The following PRKD1 variants were observed in gnomAD, a reference collection of about 807,000 sequenced individuals.
The protein encoded by PRKD1 is protein kinase D1, also known as serine/threonine-protein kinase D1.
In PRKD1, 63 loss-of-function variants were observed where a neutral mutation model predicts 95.9. The observed-to-expected ratio is 0.66, with a 90% CI of 0.54 to 0.81. PRKD1 has a LOEUF of 0.81. Among genes scored for constraint, PRKD1 ranks in the 30% least tolerant of loss-of-function variants. The pLI, the probability that PRKD1 is intolerant of heterozygous loss-of-function variation, is 0.00. For missense variants in PRKD1, 1,048 were observed against 1,165.3 expected, an observed-to-expected ratio of 0.90 and a Z score of 1.47; for synonymous variants, 425 against 423.1, an observed-to-expected ratio of 1.00 and a Z score of -0.05.
chr14:29,714,438 C>A (rs984272033), intron 2 of PRKD1, among the ~76,000 whole-genome samples: 3 of 152,136 alleles, frequency 2.0e-5, no homozygotes, highest in African/African-American at 7.2e-5. Flanking sequence ...GAATAGCAAT[C>A]ATTAAAAAGT....
intron 1 of PRKD1, among the ~76,000 whole-genome samples, chr14:29,834,735 C>T (rs746837630): frequency 1.3e-5 from 2 of 152,012 alleles, no homozygotes; most frequent in African/African-American, 2.4e-5. Flanking sequence ...TTAGGCACTA[C>T]GGTAAGTATT....
At chr14:29,637,282 G>A (rs1880450471) in intron 6 of PRKD1, among the ~76,000 whole-genome samples, 1 of 152,086 alleles carries the variant, frequency 6.6e-6, no homozygotes, top group Non-Finnish European at 1.5e-5. Flanking sequence ...TATTAAATTG[G>A]TCACATAGCT....
At chr14:29,821,339 A>C (rs1260695774) in intron 1 of PRKD1, among the ~76,000 whole-genome samples, 1 of 152,178 alleles carries the variant, frequency 6.6e-6, no homozygotes, top group Non-Finnish European at 1.5e-5. Context: ...GTGGTAACTC[A>C]GAGTACACAG....
intron 4 of PRKD1, among the ~76,000 whole-genome samples, chr14:29,654,793 G>A (rs1881741943): frequency 1.3e-5 from 2 of 152,140 alleles, no homozygotes; most frequent in Admixed American, 1.3e-4. Flanking sequence ...CAATGGCCAG[G>A]TTTCTATAAC....
chr14:29,614,942 G>A (rs1878753641), intron 13 of PRKD1, among the ~76,000 whole-genome samples: 1 of 147,482 alleles, frequency 6.8e-6, no homozygotes, highest in African/African-American at 2.6e-5. Flanking sequence ...GAACTACTGA[G>A]CTCAGGCAGT....
intron 1 of PRKD1, among the ~76,000 whole-genome samples, chr14:29,896,472 T>C (rs1346417402): frequency 6.6e-6 from 1 of 152,074 alleles, no homozygotes. Context: ...GGAAATGGAC[T>C]TCAGTGGTTT....
intron 1 of PRKD1, chr14:29,751,170 T>A (rs1474684291): frequency 6.6e-6 from 1 of 152,192 alleles, no homozygotes; most frequent in Non-Finnish European, 1.5e-5. Flanking sequence ...ACTCAACTTT[T>A]GATCAATTAT....
intron 1 of PRKD1, among the ~76,000 whole-genome samples, chr14:29,783,417 A>T (rs185498003): frequency 2.0e-5 from 3 of 152,216 alleles, no homozygotes; most frequent in African/African-American, 7.2e-5. Context: ...TCCTAAGTTG[A>T]TTCTATATCT....
At chr14:29,627,387 C>A (rs1314281918) in intron 11 of PRKD1, among the ~76,000 whole-genome samples, 1 of 152,184 alleles carries the variant, frequency 6.6e-6, no homozygotes, top group Non-Finnish European at 1.5e-5. Flanking sequence ...AGAAGGATGG[C>A]AACCTATATG....
At chr14:29,807,071 A>T (rs1338738854) in intron 1 of PRKD1, among the ~76,000 whole-genome samples, 2 of 152,202 alleles carry the variant, frequency 1.3e-5, no homozygotes, top group South Asian at 4.1e-4. Context: ...TTGCTAAAAA[A>T]TGCTGACAAT....
intron 1 of PRKD1, among the ~76,000 whole-genome samples, chr14:29,753,247 T>C (rs1424349800): frequency 6.6e-6 from 1 of 152,148 alleles, no homozygotes; most frequent in Non-Finnish European, 1.5e-5. Flanking sequence ...GTAAAAATGA[T>C]GACAGTGCTG....
intron 1 of PRKD1, among the ~76,000 whole-genome samples, chr14:29,793,282 A>C (rs1278696564): frequency 6.8e-6 from 1 of 147,384 alleles, no homozygotes; most frequent in Admixed American, 6.8e-5. Flanking sequence ...AGCTGTTGAC[A>C]AAAAAAAAAT....
intron 13 of PRKD1, among the ~76,000 whole-genome samples, chr14:29,607,009 T>C (rs1878024158): frequency 6.6e-6 from 1 of 152,150 alleles, no homozygotes; most frequent in African/African-American, 2.4e-5. Context: ...TTATGTAAAA[T>C]AGGATGATAG....
intron 1 of PRKD1, among the ~76,000 whole-genome samples, chr14:29,904,281 T>C (rs1894420628): frequency 6.6e-6 from 1 of 152,180 alleles, no homozygotes; most frequent in African/African-American, 2.4e-5. Flanking sequence ...TTTATTCAGA[T>C]TTATTAAACC....
chr14:29,593,953 T>C, intron 16 of PRKD1: 1 of 221,072 alleles, frequency 4.5e-6, no homozygotes, highest in Middle Eastern at 4.9e-4. Context: ...TAAGCACCCT[T>C]TTGGTATACA....
At chr14:29,923,094 G>T (rs1211373034) in intron 1 of PRKD1, among the ~76,000 whole-genome samples, 2 of 151,574 alleles carry the variant, frequency 1.3e-5, no homozygotes, top group Non-Finnish European at 2.9e-5. Flanking sequence ...AGCCAGGCAT[G>T]GTCACCCATA....
intron 4 of PRKD1, among the ~76,000 whole-genome samples, chr14:29,647,003 C>T (rs1429336572): frequency 6.6e-6 from 1 of 151,930 alleles, no homozygotes; most frequent in Non-Finnish European, 1.5e-5. Flanking sequence ...AGCTAACTGT[C>T]AAATATCCTA....
At chr14:29,856,190 T>C (rs111533018) in intron 1 of PRKD1, among the ~76,000 whole-genome samples, 72 of 152,124 alleles carry the variant, frequency 4.7e-4, no homozygotes, top group South Asian at 6.2e-4. Context: ...AATCAAAAAA[T>C]AGGTACCAGC....
chr14:29,626,634 A>C (rs1879644403), intron 11 of PRKD1, 78 bp from the exon 12 acceptor site: 2 of 757,852 alleles, frequency 2.6e-6, no homozygotes, highest in Non-Finnish European at 3.8e-6. Flanking sequence ...TAATTCTATT[A>C]AATATATTAT....
Sources: gnomAD v4.1 joint callset for allele counts (sites outside exome capture counted in the v4.1 genomes callset) on GRCh38, gnomAD v4.1.1 for gene constraint, MANE v1.5 for transcripts, NCBI Gene and HGNC (gene_info 2026-07-23, HGNC 2026-07-21) for gene names.